SPTBN2: variants seen among roughly 807,000 people sequenced by gnomAD.
SPTBN2 encodes spectrin beta chain, non-erythrocytic 2.
In SPTBN2, 107 loss-of-function variants were observed where a neutral mutation model predicts 284.2. The ratio of observed to expected loss-of-function variants is 0.38; its 90% CI spans 0.32 to 0.44. SPTBN2 has a LOEUF of 0.44. SPTBN2 is among the 20% of genes least tolerant of loss of function. The probability of loss-of-function intolerance (pLI) is 1.00; values close to 1 mark genes in which losing one functional copy is unlikely to be tolerated. For missense variants in SPTBN2, 2,569 were observed against 3,287.1 expected (o/e 0.78, Z 5.34); for synonymous variants, 1,289 against 1,354.8 (o/e 0.95, Z 1.07).
chr11:66,692,646 G>C lies in SPTBN2; in HGVS notation c.5080C>G (p.Leu1694Val). The C allele has an allele frequency of 6.2e-7, 1 of 1,605,374 alleles. No individual in the cohort carries two copies. The highest frequency in any genetic ancestry group is 1.1e-5 in the South Asian group (1 of 91,080). ...TCGCGGCGGAGCTGGCACAGCCGGA[G>C]GTGCTCCTGCAGGCGCTCCCGCCGC... The part of the protein sequence containing the change: ...GERRERLQEH[L>V]RLCQLRRELD... Residue 1694 changes from leucine (L) to valine (V), a missense_variant, in exon 26 of 38, where the codon CTC becomes GTC. This residue lies in a region of SPTBN2 where 1,130 missense variants were observed against 1,317.3 expected (regional missense o/e 0.86). Transcript: ENST00000533211.
intron 37 of SPTBN2, 132 bp from the exon 38 acceptor site, chr11:66,686,236 G>A (rs759478326): frequency 1.1e-5 from 15 of 1,372,202 alleles, no homozygotes; most frequent in East Asian, 2.3e-5. Context: ...GAATGTGGCC[G>A]GCTTAGACAG....
At position 66,684,498 on chromosome 11, in the gene SPTBN2, G is replaced by A. The variant is rs1216629178; in HGVS notation, c.*1373C>T. Among the ~76,000 whole-genome samples, 1 of 152,124 alleles carries A rather than the reference G, an allele frequency of 6.6e-6. No individual in the cohort carries two copies. Among genetic ancestry groups the A allele is most frequent in the East Asian group, 1.9e-4 (1 of 5,194 alleles). On this transcript the variant is annotated 3_prime_UTR_variant, in exon 38 of 38. Transcript: ENST00000533211. The stretch of plus-strand genomic sequence containing the variant: ...AAAACAAACAGACTTAGTCGGGTAT[G>A]ATGGCATGTGCCTGTGGTTCAGGCT...
At chr11:66,740,398 C>T (rs1942887545) in intron 1 of SPTBN2, among the ~76,000 whole-genome samples, 1 of 152,190 alleles carries the variant, frequency 6.6e-6, no homozygotes, top group South Asian at 2.1e-4. Context: ...CAAAAGTCAG[C>T]ACCATTATGG....
Position 66,690,257 on chromosome 11 carries a change from G to A in SPTBN2, c.5592C>T (p.His1864=). Residue 1864 remains histidine (H), a synonymous_variant, in exon 28 of 38, where the codon CAC becomes CAT. Transcript: ENST00000533211. ...PQVQQVQDDG[H]RLQKAYAGDK... is the part of the protein sequence containing the mutation. ...CTCCAGCGTAGGCCTTCTGGAGCCGGTGGCCGTCGTCCTGCACCTGCTGGA... is the reference window on the plus strand; with the variant it reads ...CTCCAGCGTAGGCCTTCTGGAGCCGATGGCCGTCGTCCTGCACCTGCTGGA... 1 of 1,611,256 alleles carries A rather than the reference G, an allele frequency of 6.2e-7. No homozygotes were observed. Among genetic ancestry groups the A allele is most frequent in the Non-Finnish European group, 8.5e-7 (1 of 1,178,846 alleles).
rs774265056 is a variant in SPTBN2 at position 66,705,437 on chromosome 11, C to T, written c.1839G>A (p.Ser613=). The change falls in exon 15 of 38, where the codon TCG becomes TCA. Residue 613 remains serine (S), a synonymous_variant. Transcript: ENST00000533211. The part of the protein sequence containing the change: ...EYRPCDPQLV[S]ERVAKLEQSY... ...TCTGCTCTAGCTTGGCCACCCGCTC[C>T]GACACCAGCTGCGGGTCGCAAGGTC... is the stretch of plus-strand genomic sequence containing the variant. The T allele has an allele frequency of 3.2e-5, 52 of 1,612,928 alleles. No homozygotes were observed. The highest frequency in any genetic ancestry group is 3.9e-5 in the Non-Finnish European group (46 of 1,180,036).
Position 66,708,756 on chromosome 11 carries a change from G to A in SPTBN2, c.1191+146C>T. ...AATCACATCTGGCACAGTGTGGGCA[G>A]CTGGGCAGAGTGCTCGAGTTTCAAG... On this transcript the variant is annotated intron_variant, in intron 11 of 37. Transcript: ENST00000533211. The surrounding 1 kb of genome is among the most constrained non-coding windows in gnomAD (Gnocchi z 4.4). 1.5e-6 allele frequency: 1 copy of A among 674,154 alleles called. No individual in the cohort carries two copies. Among genetic ancestry groups the A allele is most frequent in the Non-Finnish European group, 2.6e-6 (1 of 383,150 alleles). 41.8% of individuals were successfully genotyped at this position (674,154 alleles called of 1,614,324 possible).
intron 1 of SPTBN2, among the ~76,000 whole-genome samples, chr11:66,739,642 C>A (rs1942880691): frequency 6.6e-6 from 1 of 152,242 alleles, no homozygotes; most frequent in Non-Finnish European, 1.5e-5. Flanking sequence ...GTGCTGTTTG[C>A]ATTCCCAAGG....
chr11:66,702,217 A>G (rs1941285411), intron 15 of SPTBN2, among the ~76,000 whole-genome samples: 1 of 152,112 alleles, frequency 6.6e-6, no homozygotes, highest in South Asian at 2.1e-4. Flanking sequence ...CCCAGGCTGG[A>G]GTGTAGTGGT....
chr11:66,711,983 G>A (rs1235486022), intron 8 of SPTBN2, among the ~76,000 whole-genome samples: 4 of 152,194 alleles, frequency 2.6e-5, no homozygotes, highest in Admixed American at 2.6e-4. Flanking sequence ...AACTTAAGGA[G>A]CACCTCCAGC....
At chr11:66,690,454 T>C (rs1053169186) in intron 27 of SPTBN2, 171 bp from the exon 28 acceptor site, 44 of 895,998 alleles carry the variant, frequency 4.9e-5, no homozygotes, top group African/African-American at 1.7e-5. Flanking sequence ...CTGGCCACAC[T>C]CTGCCCTGTT....
At chr11:66,701,829 G>A in intron 15 of SPTBN2, 108 bp from the exon 16 acceptor site, 2 of 1,511,594 alleles carry the variant, frequency 1.3e-6, no homozygotes, top group South Asian at 1.2e-5. Flanking sequence ...TTCACCAGGA[G>A]GCTTATCTGC....
In SPTBN2 at chr11:66,691,954, C is replaced by G. The variant is rs1940580498; in HGVS notation, c.5191-296G>C. ...TTTCTGTACGACTGAGGGTCCAAGCCCCCAAACTGTCGGGGGGGTGGATCA... is the reference window on the plus strand; with the variant it reads ...TTTCTGTACGACTGAGGGTCCAAGCGCCCAAACTGTCGGGGGGGTGGATCA... On this transcript the variant is annotated intron_variant, in intron 26 of 37. Coordinates refer to ENST00000533211, the MANE Select transcript of SPTBN2 (RefSeq NM_006946.4). This position sits in a 1 kb window ranked among gnomAD's most constrained non-coding sequence, Gnocchi z 8.0. 6.6e-6 allele frequency among the ~76,000 whole-genome samples: 1 copy of G among 152,070 alleles called. No homozygotes were observed. Among genetic ancestry groups the G allele is most frequent in the Admixed American group, 6.6e-5 (1 of 15,262 alleles).
intron 20 of SPTBN2, among the ~76,000 whole-genome samples, chr11:66,696,910 T>C (rs932917106): frequency 1.3e-5 from 2 of 152,182 alleles, no homozygotes; most frequent in Non-Finnish European, 2.9e-5. Context: ...ACTTCAGTGA[T>C]AGCAAGTTGA....
rs1941604864 is a variant in SPTBN2, at chr11:66,707,132, T to G, written c.1653+384A>C. On this transcript the variant is annotated intron_variant, in intron 13 of 37. Transcript: ENST00000533211. The surrounding 1 kb of genome is among the most constrained non-coding windows in gnomAD (Gnocchi z 4.9). ...CCAGGCCGAGGGCCTGTGCCGGCTGTTCCTTCTGCCCGGAACATTCTCTCC... is the reference window on the plus strand; with the variant it reads ...CCAGGCCGAGGGCCTGTGCCGGCTGGTCCTTCTGCCCGGAACATTCTCTCC... 6.6e-6 allele frequency among the ~76,000 whole-genome samples: 1 copy of G among 152,242 alleles called. No individual in the cohort carries two copies. The highest frequency in any genetic ancestry group is 6.5e-5 in the Admixed American group (1 of 15,282).
chr11:66,720,982 A>G, intron 3 of SPTBN2, 102 bp downstream of exon 3: 1 of 1,515,030 alleles, frequency 6.6e-7, no homozygotes, highest in Admixed American at 1.9e-5. Context: ...TCTCCCACTT[A>G]GAAAGAAAAG....
intron 1 of SPTBN2, among the ~76,000 whole-genome samples, chr11:66,744,141 G>C (rs935526492): frequency 1.4e-4 from 21 of 152,212 alleles, no homozygotes; most frequent in East Asian, 7.7e-4. Flanking sequence ...GATGACGGGC[G>C]TGAGCCACTG....
At chr11:66,692,842 C>G (rs1020728277) in intron 25 of SPTBN2, 102 bp from the exon 26 acceptor site, 1 of 1,595,206 alleles carries the variant, frequency 6.3e-7, no homozygotes, top group Admixed American at 1.7e-5. Flanking sequence ...CAACAGCTCG[C>G]CCACCCTGTG....
At chr11:66,696,573 C>T in intron 20 of SPTBN2, 33 bp from the exon 21 acceptor site, 1 of 1,607,700 alleles carries the variant, frequency 6.2e-7, no homozygotes, top group Non-Finnish European at 8.5e-7. Flanking sequence ...TCAAAGTGCC[C>T]AAATTAGCCT....
At position 66,699,489 on chromosome 11, in the gene SPTBN2, G is replaced by A. The variant is rs768135548; in HGVS notation, c.3693C>T (p.Leu1231=). ...MDANGERIHG[L]LEAGRQLVSE... is the part of the protein sequence containing the mutation. ...ATACCAGCTGGCGGCCAGCCTCCAG[G>A]AGCCCGTGGATCCGTTCCCCATTGG... Residue 1231 remains leucine, a synonymous_variant, in exon 18 of 38, where the codon CTC becomes CTT. Coordinates refer to ENST00000533211, the MANE Select transcript of SPTBN2 (RefSeq NM_006946.4). 4.0e-5 allele frequency: 64 copies of A among 1,614,048 alleles called. No homozygotes were observed. The highest frequency in any genetic ancestry group is 5.3e-5 in the Non-Finnish European group (62 of 1,180,044).
Sources: allele counts gnomAD v4.1 joint callset (sites outside exome capture counted in the v4.1 genomes callset), GRCh38; gene constraint gnomAD v4.1.1; regional missense constraint gnomAD v4.1.1; non-coding constraint Gnocchi (gnomAD v3.1); transcripts MANE v1.5; gene names NCBI Gene and HGNC (gene_info 2026-07-23, HGNC 2026-07-21).